GNB1: variants seen among roughly 807,000 people sequenced by gnomAD.
The protein encoded by GNB1 is G protein subunit beta 1, also known as guanine nucleotide-binding protein G(I)/G(S)/G(T) subunit beta-1.
Under a neutral mutation model 42.9 loss-of-function variants are expected in GNB1, and 2 were observed. The observed-to-expected ratio is 0.05, with a 90% CI of 0.02 to 0.15. The LOEUF is 0.15. Ranked by LOEUF, GNB1 falls within the 10% of genes least tolerant of loss-of-function variation. The pLI, the probability that GNB1 is intolerant of heterozygous loss-of-function variation, is 1.00. For synonymous variants in GNB1, 183 were observed against 174.7 expected, an observed-to-expected ratio of 1.05 and a Z score of -0.38; for missense variants, 193 against 462.2, an observed-to-expected ratio of 0.42 and a Z score of 5.34.
At chr1:1,851,949 A>G (rs1648006129) in intron 1 of GNB1, among the ~76,000 whole-genome samples, 1 of 151,940 alleles carries the variant, frequency 6.6e-6, no homozygotes, top group South Asian at 2.1e-4. Context: ...AGGCTGAGGC[A>G]GGAGAAATGC....
At position 1,866,653 on chromosome 1, in the gene GNB1, C is replaced by T. The variant is rs2101719533; in HGVS notation, c.-96+24167G>A. Among the ~76,000 whole-genome samples, 4 of 142,354 alleles carry T rather than the reference C, an allele frequency of 2.8e-5. 1 individual carries two copies. The Admixed American group carries it at 2.9e-4, about 10-fold the overall frequency. The allele number at this position is 142,354 out of a possible 152,430, so 93.4% of individuals were successfully genotyped here. ...ATGAGCTTAAAAAAAAAAAAAATCG[C>T]TAAAAAAAAATCTCAATGTGGCCGG... On this transcript the variant is annotated intron_variant, in intron 1 of 11. Coordinates refer to ENST00000378609, the MANE Select transcript of GNB1 (RefSeq NM_002074.5).
intron 7 of GNB1, 56 bp downstream of exon 7, chr1:1,804,363 A>T (rs771130874): frequency 3.4e-6 from 4 of 1,174,106 alleles, no homozygotes; most frequent in Admixed American, 1.7e-5. Flanking sequence ...AAAGCATATA[A>T]TGTACCCCAG....
At chr1:1,791,229 T>C (rs1413440351) in intron 8 of GNB1, among the ~76,000 whole-genome samples, 2 of 149,708 alleles carry the variant, frequency 1.3e-5, no homozygotes, top group Admixed American at 1.4e-4. Flanking sequence ...TGGAGTGCAA[T>C]GGCGCGATCT....
At chr1:1,882,648 C>T (rs1482305816) in intron 1 of GNB1, among the ~76,000 whole-genome samples, 2 of 152,018 alleles carry the variant, frequency 1.3e-5, no homozygotes, top group East Asian at 1.9e-4. Flanking sequence ...ATGGGCAGGG[C>T]GTGGTGGCTC....
chr1:1,871,303 T>C (rs1649234525), intron 1 of GNB1, among the ~76,000 whole-genome samples: 1 of 151,710 alleles, frequency 6.6e-6, no homozygotes, highest in African/African-American at 2.4e-5. Flanking sequence ...CTATTAAAAA[T>C]ACAAAAATTA....
intron 1 of GNB1, among the ~76,000 whole-genome samples, chr1:1,846,140 C>T (rs1436024507): frequency 2.0e-5 from 3 of 150,634 alleles, no homozygotes; most frequent in African/African-American, 7.4e-5. Flanking sequence ...GTCAACATGA[C>T]GAACAATGGT....
At chr1:1,869,292 C>T (rs1370402174) in intron 1 of GNB1, among the ~76,000 whole-genome samples, 1 of 150,580 alleles carries the variant, frequency 6.6e-6, no homozygotes, top group Non-Finnish European at 1.5e-5. Flanking sequence ...ATGTTGTTAT[C>T]TGACCATTCA....
chr1:1,890,156 G>A (rs1035062722), intron 1 of GNB1, among the ~76,000 whole-genome samples: 1 of 152,106 alleles, frequency 6.6e-6, no homozygotes, highest in African/African-American at 2.4e-5. Flanking sequence ...CCGGGCCTCG[G>A]CAGGAGAAGG....
chr1:1,882,441 A>G (rs1649902483), intron 1 of GNB1, among the ~76,000 whole-genome samples: 1 of 151,460 alleles, frequency 6.6e-6, no homozygotes, highest in South Asian at 2.1e-4. Flanking sequence ...AAAAAAAAAA[A>G]AAAAAAAAAG....
At chr1:1,863,433 T>G (rs1237790779) in intron 1 of GNB1, among the ~76,000 whole-genome samples, 1 of 152,242 alleles carries the variant, frequency 6.6e-6, no homozygotes, top group East Asian at 1.9e-4. Context: ...CCTTGCCCAC[T>G]GTGGCTGCTG....
intron 2 of GNB1, among the ~76,000 whole-genome samples, chr1:1,832,535 C>T (rs1355790763): frequency 6.6e-6 from 1 of 152,188 alleles, no homozygotes; most frequent in East Asian, 1.9e-4. Context: ...GGGATCTGCC[C>T]CTACTTTAGA....
At chr1:1,877,334 C>T (rs1226377476) in intron 1 of GNB1, among the ~76,000 whole-genome samples, 3 of 148,444 alleles carry the variant, frequency 2.0e-5, no homozygotes, top group African/African-American at 7.4e-5. Context: ...TATATATACA[C>T]ACACACACAG....
At position 1,787,167 on chromosome 1, in the gene GNB1, C is replaced by T. The variant is rs1357937126; in HGVS notation, c.*10-114G>A. The T allele has an allele frequency of 2.5e-5, 14 of 561,032 alleles. No homozygotes were observed. The highest frequency in any genetic ancestry group is 1.1e-4 in the African/African-American group (6 of 52,660). 34.8% of individuals were successfully genotyped at this position (561,032 alleles called of 1,614,324 possible). A position where few individuals can be genotyped will look rare whatever the true frequency, so the allele number is the denominator to read the frequency against. Reference sequence around the variant, plus strand: ...GCATGAGTGTCTGCAGCTGAGGGCACGTGACTTCAGCTTTCTGTAAACGTT... The same window carrying T: ...GCATGAGTGTCTGCAGCTGAGGGCATGTGACTTCAGCTTTCTGTAAACGTT... On this transcript the variant is annotated intron_variant, in intron 11 of 11. Coordinates refer to ENST00000378609, the MANE Select transcript of GNB1 (RefSeq NM_002074.5). This position sits in a 1 kb window ranked among gnomAD's most constrained non-coding sequence, Gnocchi z 4.4.
chr1:1,787,103 G>C lies in GNB1; in HGVS notation c.*10-50C>G. 1 of 426,886 alleles carries C rather than the reference G, an allele frequency of 2.3e-6. No individual in the cohort carries two copies. The allele number at this position is 426,886 out of a possible 1,614,324, so 26.4% of individuals were successfully genotyped here. On this transcript the variant is annotated intron_variant, in intron 11 of 11. Transcript: ENST00000378609. This position sits in a 1 kb window ranked among gnomAD's most constrained non-coding sequence, Gnocchi z 4.4. Reference sequence around the variant, plus strand: ...ATGTGAAAAGAGGCAGAGAATCTAAGTGCAGACGCACAGCCAGGTCACTGC... The same window carrying C: ...ATGTGAAAAGAGGCAGAGAATCTAACTGCAGACGCACAGCCAGGTCACTGC...
At chr1:1,874,143 TC>T in intron 1 of GNB1, among the ~76,000 whole-genome samples, 1 of 152,188 alleles carries the variant, frequency 6.6e-6, no homozygotes, top group Admixed American at 6.5e-5. Flanking sequence ...ACTCTTCAGT[TC>T]CCACAAAAGA....
At chr1:1,888,665 C>T (rs778308437) in intron 1 of GNB1, among the ~76,000 whole-genome samples, 2 of 152,126 alleles carry the variant, frequency 1.3e-5, no homozygotes, top group Non-Finnish European at 2.9e-5. Context: ...TGGTGAAACC[C>T]TATCTCTACT....
At chr1:1,879,024 C>T (rs1211315362) in intron 1 of GNB1, among the ~76,000 whole-genome samples, 1 of 152,212 alleles carries the variant, frequency 6.6e-6, no homozygotes, top group East Asian at 1.9e-4. Flanking sequence ...TTCCTCTGCA[C>T]ATCCCTAACA....
At chr1:1,812,371 TATAG>T (rs1191020071) in intron 5 of GNB1, among the ~76,000 whole-genome samples, 1 of 145,966 alleles carries the variant, frequency 6.9e-6, no homozygotes, top group African/African-American at 2.5e-5. Context: ...AACAAGGAGA[TATAG>T]ATATACATGT....
At chr1:1,840,664 A>C (rs1004897857) in intron 1 of GNB1, among the ~76,000 whole-genome samples, 1 of 152,232 alleles carries the variant, frequency 6.6e-6, no homozygotes, top group Admixed American at 6.5e-5. Context: ...GAAGCCACTA[A>C]ATAACTACTT....
Sources: gnomAD v4.1 joint callset for allele counts (sites outside exome capture counted in the v4.1 genomes callset) on GRCh38, gnomAD v4.1.1 for gene constraint, Gnocchi (gnomAD v3.1) non-coding constraint, MANE v1.5 for transcripts, NCBI Gene and HGNC (gene_info 2026-07-23, HGNC 2026-07-21) for gene names.